Variants in LRRTM3 observed in about 807,000 individuals in gnomAD.
LRRTM3 encodes the protein leucine-rich repeat transmembrane neuronal protein 3.
LRRTM3 carries 24 observed loss-of-function variants against 44.7 expected under a neutral mutation model. That is an observed-to-expected ratio of 0.54 (90% CI 0.39 to 0.76). LRRTM3 has a LOEUF of 0.76. Among genes scored for constraint, LRRTM3 ranks in the 30% least tolerant of loss-of-function variants. LRRTM3 has a pLI of 0.00. For missense variants in LRRTM3, 587 were observed against 702.2 expected, an observed-to-expected ratio of 0.84 and a Z score of 1.85; for synonymous variants, 277 against 278.7, an observed-to-expected ratio of 0.99 and a Z score of 0.06.
intron 2 of LRRTM3, among the ~76,000 whole-genome samples, chr10:67,036,907 A>T (rs1467145732): frequency 6.6e-6 from 1 of 152,334 alleles, no homozygotes; most frequent in African/African-American, 2.4e-5. Context: ...AATGCATAAA[A>T]GAGGAAGGAA....
intron 2 of LRRTM3, among the ~76,000 whole-genome samples, chr10:67,049,398 G>A (rs1854950004): frequency 6.6e-6 from 1 of 152,048 alleles, no homozygotes; most frequent in Admixed American, 6.6e-5. Context: ...CATACAAAAT[G>A]TAAACTGAAT....
chr10:67,068,648 G>C (rs182058210), intron 2 of LRRTM3, among the ~76,000 whole-genome samples: 7 of 152,316 alleles, frequency 4.6e-5, no homozygotes, highest in Admixed American at 1.3e-4. Flanking sequence ...CATCAGAAAA[G>C]CTGAGGGGAG....
At chr10:67,002,827 T>C (rs1851761700) in intron 2 of LRRTM3, among the ~76,000 whole-genome samples, 2 of 152,184 alleles carry the variant, frequency 1.3e-5, no homozygotes, top group African/African-American at 4.8e-5. Flanking sequence ...TATTTGATTA[T>C]GAATGTCTTC....
intron 2 of LRRTM3, among the ~76,000 whole-genome samples, chr10:66,930,332 T>A (rs927454786): frequency 2.6e-5 from 4 of 152,218 alleles, no homozygotes; most frequent in African/African-American, 9.6e-5. Context: ...ATATTTCCAA[T>A]GGATTAATAA....
intron 2 of LRRTM3, among the ~76,000 whole-genome samples, chr10:66,955,426 C>T (rs1848734984): frequency 6.6e-6 from 1 of 152,130 alleles, no homozygotes; most frequent in South Asian, 2.1e-4. Flanking sequence ...TGATAAAATA[C>T]ATTCCAAATG....
At chr10:67,068,822 G>T (rs1856255011) in intron 2 of LRRTM3, among the ~76,000 whole-genome samples, 1 of 152,198 alleles carries the variant, frequency 6.6e-6, no homozygotes, top group Non-Finnish European at 1.5e-5. Flanking sequence ...CACTTTGGGA[G>T]GCTGAGGCAG....
intron 2 of LRRTM3, among the ~76,000 whole-genome samples, chr10:67,069,553 G>GCCTGC (rs1856308488): frequency 2.2e-5 from 3 of 133,654 alleles, no homozygotes; most frequent in African/African-American, 9.1e-5. Context: ...GTGTACAGCA[G>GCCTGC]CCCGCCCCAC....
intron 2 of LRRTM3, chr10:67,054,638 C>T (rs1328458928): frequency 6.6e-6 from 1 of 152,142 alleles, no homozygotes; most frequent in Admixed American, 6.6e-5. Flanking sequence ...GCAGTATTTC[C>T]AATGGCGGGA....
chr10:66,926,500 C>T lies in LRRTM3; in HGVS notation c.-84C>T. 3 of 1,519,690 alleles carry T rather than the reference C, an allele frequency of 2.0e-6. No homozygotes were observed. The highest frequency in any genetic ancestry group is 2.7e-6 in the Non-Finnish European group (3 of 1,101,496). The allele number at this position is 1,519,690 out of a possible 1,614,324, so 94.1% of individuals were successfully genotyped here. Reference sequence around the variant, plus strand: ...GGTGTCAGCGAGCCCTGACTCACTACAGTGCAGCTGACAGGGGCTGTCATG... The same window carrying T: ...GGTGTCAGCGAGCCCTGACTCACTATAGTGCAGCTGACAGGGGCTGTCATG... On this transcript the variant is annotated 5_prime_UTR_variant, in exon 1 of 3. Coordinates refer to ENST00000361320, the MANE Select transcript of LRRTM3 (RefSeq NM_178011.5).
chr10:67,063,615 T>G (rs897264807), intron 2 of LRRTM3, among the ~76,000 whole-genome samples: 1 of 152,190 alleles, frequency 6.6e-6, no homozygotes, highest in Admixed American at 6.5e-5. Flanking sequence ...TTTTAGATAA[T>G]GCATATGACA....
intron 2 of LRRTM3, among the ~76,000 whole-genome samples, chr10:66,959,143 C>A (rs756068549): frequency 1.3e-5 from 2 of 152,174 alleles, no homozygotes. Context: ...CTCAGACTCA[C>A]GGCAAAAGCT....
intron 2 of LRRTM3, among the ~76,000 whole-genome samples, chr10:66,999,920 G>A (rs1290711299): frequency 6.6e-6 from 1 of 152,140 alleles, no homozygotes; most frequent in Non-Finnish European, 1.5e-5. Context: ...CTGATTTGTT[G>A]TGTTGGCTTT....
intron 2 of LRRTM3, among the ~76,000 whole-genome samples, chr10:67,022,044 A>G (rs982336971): frequency 2.0e-5 from 3 of 152,194 alleles, no homozygotes; most frequent in Non-Finnish European, 4.4e-5. Flanking sequence ...TGGAAGTACG[A>G]AGTGTATTTC....
rs368525944 is a variant in LRRTM3 at position 66,962,635 on chromosome 10, TCTC to T, written c.1536+34186_1536+34188del. Reference sequence around the variant, plus strand: ...ACCATGTTGGCCAGGATGTTCTCGATCTCCTGATCTCGTGATCTGCCTGCCCCA... The same window carrying T: ...ACCATGTTGGCCAGGATGTTCTCGATCTGATCTCGTGATCTGCCTGCCCCA... On this transcript the variant is annotated intron_variant, in intron 2 of 2. Transcript: ENST00000361320. Among the ~76,000 whole-genome samples the T allele has an allele frequency of 2.5e-4, 38 of 152,106 alleles. No homozygotes were observed. The East Asian group carries it at 5.2e-3, about 21-fold the overall frequency.
At chr10:67,057,497 A>G (rs1039783893) in intron 2 of LRRTM3, among the ~76,000 whole-genome samples, 2 of 152,156 alleles carry the variant, frequency 1.3e-5, no homozygotes, top group African/African-American at 4.8e-5. Context: ...GATTGCACAT[A>G]TAAGTGGGAC....
At chr10:67,032,756 T>TGTAAAAC (rs199713750) in intron 2 of LRRTM3, among the ~76,000 whole-genome samples, 1,848 of 152,324 alleles carry the variant, frequency 0.012, 48 homozygotes, top group African/African-American at 0.042. Flanking sequence ...GTCTTTGATG[T>TGTAAAAC]CAACAAAAGC....
chr10:67,033,733 ACTT>A (rs1450036974), intron 2 of LRRTM3, among the ~76,000 whole-genome samples: 6 of 152,190 alleles, frequency 3.9e-5, no homozygotes, highest in Admixed American at 2.6e-4. Context: ...CAAGTAGCCC[ACTT>A]CTAGAATCTG....
chr10:67,058,904 T>C (rs1384078971), intron 2 of LRRTM3, among the ~76,000 whole-genome samples: 1 of 152,148 alleles, frequency 6.6e-6, no homozygotes, highest in Non-Finnish European at 1.5e-5. Flanking sequence ...CTGCCTATCT[T>C]CTAGGCAGGC....
intron 2 of LRRTM3, among the ~76,000 whole-genome samples, chr10:67,025,605 C>A (rs1480154972): frequency 6.6e-6 from 1 of 151,902 alleles, no homozygotes. Flanking sequence ...TTTCTTTAAC[C>A]CCTGGAGGAA....
Sources: allele counts gnomAD v4.1 joint callset (sites outside exome capture counted in the v4.1 genomes callset), GRCh38; gene constraint gnomAD v4.1.1; transcripts MANE v1.5; gene names NCBI Gene and HGNC (gene_info 2026-07-23, HGNC 2026-07-21).